The following FBXW11 variants were observed in gnomAD, a reference collection of about 807,000 sequenced individuals.
FBXW11 encodes the protein F-box and WD repeat domain containing 11, also known as F-box/WD repeat-containing protein 11.
In FBXW11, 19 loss-of-function variants were observed where a neutral mutation model predicts 77.6. The observed-to-expected ratio is 0.24, with a 90% CI of 0.17 to 0.36. The LOEUF is 0.36. Among genes scored for constraint, FBXW11 ranks in the 10% least tolerant of loss-of-function variants. The probability of loss-of-function intolerance (pLI) is 1.00; values close to 1 mark genes in which losing one functional copy is unlikely to be tolerated. For synonymous variants in FBXW11, 235 were observed against 249.4 expected (o/e 0.94, Z 0.54); for missense variants, 334 against 704.2 (o/e 0.47, Z 5.95).
chr5:171,983,736 C>G (rs376014957), intron 1 of FBXW11, among the ~76,000 whole-genome samples: 2 of 151,976 alleles, frequency 1.3e-5, no homozygotes, highest in East Asian at 3.8e-4. Flanking sequence ...AGAGTTTTTC[C>G]CAAAACAAGC....
intron 2 of FBXW11, among the ~76,000 whole-genome samples, chr5:171,946,119 C>A (rs1263414336): frequency 1.3e-5 from 2 of 152,184 alleles, no homozygotes; most frequent in Non-Finnish European, 2.9e-5. Context: ...TGGGGTTTCC[C>A]AGAGAAGGAT....
chr5:171,967,883 T>TATATATATACACACACACAC (rs1244744249), intron 1 of FBXW11, among the ~76,000 whole-genome samples: 1 of 74,976 alleles, frequency 1.3e-5, no homozygotes, highest in African/African-American at 5.9e-5. Context: ...TATATATATA[T>TATATATATACACACACACAC]ACACACACAC....
At chr5:171,924,429 A>T (rs1313408596) in intron 2 of FBXW11, among the ~76,000 whole-genome samples, 6 of 152,076 alleles carry the variant, frequency 3.9e-5, no homozygotes, top group Non-Finnish European at 7.4e-5. Context: ...TGACTATTAA[A>T]AACCCTGAAC....
intron 2 of FBXW11, among the ~76,000 whole-genome samples, chr5:171,914,845 C>G (rs9313564): frequency 6.6e-6 from 1 of 151,968 alleles, no homozygotes; most frequent in African/African-American, 2.4e-5. Context: ...GGAAGCCCCC[C>G]TGCCTTCGTC....
chr5:171,930,754 T>TAAAAAAAAAAAAAAAAAAAAAAAAA (rs1300857997), intron 2 of FBXW11, among the ~76,000 whole-genome samples: 3 of 32,316 alleles, frequency 9.3e-5, no homozygotes, highest in African/African-American at 8.5e-5. Context: ...AAATAAAAAA[T>TAAAAAAAAAAAAAAAAAAAAAAAAA]AAAAAAATAA....
chr5:171,905,423 A>T (rs1307756610), intron 4 of FBXW11, among the ~76,000 whole-genome samples: 3 of 152,204 alleles, frequency 2.0e-5, no homozygotes, highest in Non-Finnish European at 2.9e-5. Context: ...AAAACAGCAT[A>T]CGTAAAGAGC....
intron 1 of FBXW11, among the ~76,000 whole-genome samples, chr5:171,970,111 G>A (rs1369303212): frequency 1.3e-5 from 2 of 152,192 alleles, no homozygotes; most frequent in Non-Finnish European, 2.9e-5. Context: ...AAAAGTACCT[G>A]CAGAATAAAA....
chr5:171,900,115 A>G lies in FBXW11; in HGVS notation c.437-15T>C. ...TAAGCCTTGCTCTACAAAACAGAAA[A>G]GGGAATGAAGGAACGGGAAGAGAGA... On this transcript the variant is annotated splice_polypyrimidine_tract_variant and intron_variant, in intron 4 of 13. Coordinates refer to ENST00000517395, the MANE Select transcript of FBXW11 (RefSeq NM_001378974.1). 1 of 1,583,728 alleles carries G rather than the reference A, an allele frequency of 6.3e-7. No homozygotes were observed. The highest frequency in any genetic ancestry group is 8.6e-7 in the Non-Finnish European group (1 of 1,162,428).
At chr5:171,870,923 T>C (rs1299548242) in intron 10 of FBXW11, 65 bp from the exon 11 acceptor site, 2 of 1,133,916 alleles carry the variant, frequency 1.8e-6, no homozygotes, top group East Asian at 4.7e-5. Context: ...TCCGTAAGTT[T>C]TTTATATCTG....
chr5:171,915,339 T>C (rs1478387008), intron 2 of FBXW11, among the ~76,000 whole-genome samples: 1 of 152,244 alleles, frequency 6.6e-6, no homozygotes, highest in Non-Finnish European at 1.5e-5. Flanking sequence ...TACAAGATCC[T>C]GTTTGTTGTC....
intron 3 of FBXW11, among the ~76,000 whole-genome samples, chr5:171,911,559 G>A (rs1225511729): frequency 1.3e-5 from 2 of 152,006 alleles, no homozygotes; most frequent in Non-Finnish European, 2.9e-5. Flanking sequence ...ACTTTCCCAG[G>A]GCTACTAATC....
chr5:171,877,872 C>A (rs936745856), intron 8 of FBXW11, 139 bp downstream of exon 8: 2 of 690,330 alleles, frequency 2.9e-6, no homozygotes, highest in African/African-American at 3.6e-5. Context: ...TTTGCGCAAA[C>A]ATGTCTACAA....
chr5:171,977,590 C>T (rs1399751257), intron 1 of FBXW11: 1 of 451,526 alleles, frequency 2.2e-6, no homozygotes, highest in Non-Finnish European at 4.4e-6. Flanking sequence ...AAAGACATAC[C>T]TGAGACTGGG....
At chr5:172,002,692 TTTTC>T (rs1428618068) in intron 1 of FBXW11, among the ~76,000 whole-genome samples, 2 of 137,512 alleles carry the variant, frequency 1.5e-5, no homozygotes, top group African/African-American at 6.1e-5. Flanking sequence ...TTCTTTTTTC[TTTTC>T]TTTTTTTTTT....
chr5:171,892,808 C>T (rs1286706633), intron 6 of FBXW11, among the ~76,000 whole-genome samples: 1 of 152,196 alleles, frequency 6.6e-6, no homozygotes, highest in East Asian at 1.9e-4. Context: ...TTTCTATAAC[C>T]TGTTACACTT....
Position 171,957,717 on chromosome 5 carries a change from GA to G in FBXW11, c.46-20del. 1 of 1,606,594 alleles carries G rather than the reference GA, an allele frequency of 6.2e-7. No homozygotes were observed. The highest frequency in any genetic ancestry group is 8.5e-7 in the Non-Finnish European group (1 of 1,173,300). On this transcript the variant is annotated intron_variant, in intron 1 of 13. Transcript: ENST00000517395. ...CAGAACACTGCAGGATGACAAAAAG[GA>G]AGGAAGAGAAGAAGCAGTTAGAGGC...
rs913875348 is a variant in FBXW11, at chr5:171,916,113, T to A, written c.148-1708A>T. Among the ~76,000 whole-genome samples the A allele has an allele frequency of 7.9e-5, 12 of 151,598 alleles. No individual in the cohort carries two copies. In the East Asian group the frequency reaches 1.2e-3, roughly 15 times the overall value. On this transcript the variant is annotated intron_variant, in intron 2 of 13. Coordinates refer to ENST00000517395, the MANE Select transcript of FBXW11 (RefSeq NM_001378974.1). ...CGTGGGGTGGGGGGAGGTGGGGGGA[T>A]AGCATTAGGAGATATACCTAATGTA...
Position 171,876,589 on chromosome 5 carries a change from T to C in FBXW11, c.972-55A>G. 2 of 1,591,790 alleles carry C rather than the reference T, an allele frequency of 1.3e-6. No homozygotes were observed. The highest frequency in any genetic ancestry group is 1.7e-6 in the Non-Finnish European group (2 of 1,164,782). ...AATTATGGAGACAGCCAGGAAATGA[T>C]TCTGGTATCTGAGCTCTGTCTGGGT... On this transcript the variant is annotated intron_variant, in intron 8 of 13. Coordinates refer to ENST00000517395, the MANE Select transcript of FBXW11 (RefSeq NM_001378974.1). The surrounding 1 kb of genome is among the most constrained non-coding windows in gnomAD (Gnocchi z 4.2).
At chr5:171,972,364 G>A (rs1183972533) in intron 1 of FBXW11, among the ~76,000 whole-genome samples, 1 of 150,756 alleles carries the variant, frequency 6.6e-6, no homozygotes, top group African/African-American at 2.4e-5. Context: ...AGCCGGGTGT[G>A]GTGGCGCACA....
Sources: allele counts gnomAD v4.1 joint callset (sites outside exome capture counted in the v4.1 genomes callset), GRCh38; gene constraint gnomAD v4.1.1; non-coding constraint Gnocchi (gnomAD v3.1); transcripts MANE v1.5; gene names NCBI Gene and HGNC (gene_info 2026-07-23, HGNC 2026-07-21).